Variants in MITF observed in about 807,000 individuals in gnomAD.
The protein encoded by MITF is melanocyte inducing transcription factor.
MITF carries 17 observed loss-of-function variants against 60.5 expected under a neutral mutation model. That is an observed-to-expected ratio of 0.28 (90% CI 0.19 to 0.42). MITF has a LOEUF of 0.42. MITF is among the 10% of genes least tolerant of loss of function. MITF has a pLI of 1.00. For missense variants in MITF, 622 were observed against 683.5 expected, an observed-to-expected ratio of 0.91 and a Z score of 1.00; for synonymous variants, 260 against 248.5, an observed-to-expected ratio of 1.05 and a Z score of -0.43.
intron 1 of MITF, among the ~76,000 whole-genome samples, chr3:69,850,158 A>T (rs2063800694): frequency 6.6e-6 from 1 of 152,216 alleles, no homozygotes; most frequent in South Asian, 2.1e-4. Flanking sequence ...AAAGGAGCAT[A>T]TCATATTTAT....
intron 1 of MITF, among the ~76,000 whole-genome samples, chr3:69,849,016 G>C (rs1014742248): frequency 7.6e-6 from 1 of 132,024 alleles, no homozygotes; most frequent in Non-Finnish European, 1.6e-5. Context: ...CCAGGCTGGA[G>C]TGCAGTGGCG....
At chr3:69,762,839 C>T (rs923867047) in intron 1 of MITF, 2 of 224,092 alleles carry the variant, frequency 8.9e-6, no homozygotes, top group Non-Finnish European at 1.8e-5. Flanking sequence ...TACTGGTCTT[C>T]TGGGAATAGT....
intron 1 of MITF, among the ~76,000 whole-genome samples, chr3:69,788,226 C>T (rs1216374271): frequency 6.7e-6 from 1 of 150,340 alleles, no homozygotes; most frequent in East Asian, 2.0e-4. Flanking sequence ...TGTTGGTGTG[C>T]TGCACCCATT....
chr3:69,879,182 C>T lies in MITF; in HGVS notation c.153C>T (p.Ser51=), dbSNP rs2107276210. The part of the protein sequence containing the change: ...PGASKPPISS[S]SMTSRILLRQ... ...CCTCCAAGCCTCCGATAAGCTCCTCCAGTATGACATCACGCATCTTGCTAC... is the reference window on the plus strand; with the variant it reads ...CCTCCAAGCCTCCGATAAGCTCCTCTAGTATGACATCACGCATCTTGCTAC... The change falls in exon 2 of 10, where the codon TCC becomes TCT. Residue 51 remains serine (S), a synonymous_variant. Coordinates refer to ENST00000352241, the MANE Select transcript of MITF (RefSeq NM_001354604.2). 6.2e-7 allele frequency: 1 copy of T among 1,614,232 alleles called. No homozygotes were observed. Among genetic ancestry groups the T allele is most frequent in the Non-Finnish European group, 8.5e-7 (1 of 1,180,046 alleles).
At chr3:69,790,306 A>G (rs1043685258) in intron 1 of MITF, among the ~76,000 whole-genome samples, 4 of 152,154 alleles carry the variant, frequency 2.6e-5, no homozygotes, top group Non-Finnish European at 4.4e-5. Flanking sequence ...AGAAAGTACA[A>G]TGGTGGTTGC....
At chr3:69,953,798 G>T (rs1280267392) in intron 7 of MITF, among the ~76,000 whole-genome samples, 1 of 151,908 alleles carries the variant, frequency 6.6e-6, no homozygotes, top group Non-Finnish European at 1.5e-5. Flanking sequence ...ATCCTGGGAA[G>T]CTTGCCTTTG....
intron 9 of MITF, among the ~76,000 whole-genome samples, chr3:69,961,014 T>G (rs887406892): frequency 2.0e-5 from 3 of 152,206 alleles, no homozygotes; most frequent in Non-Finnish European, 4.4e-5. Context: ...TTGGCTTTTG[T>G]TGTTGGTTTT....
chr3:69,784,768 C>T (rs1159253164), intron 1 of MITF, among the ~76,000 whole-genome samples: 1 of 152,092 alleles, frequency 6.6e-6, no homozygotes, highest in East Asian at 1.9e-4. Flanking sequence ...TTAAGCCAGG[C>T]AATGAATTTA....
intron 6 of MITF, among the ~76,000 whole-genome samples, chr3:69,951,597 G>A (rs935154449): frequency 1.3e-5 from 2 of 151,758 alleles, no homozygotes; most frequent in South Asian, 4.2e-4. Flanking sequence ...CCATTTTGTG[G>A]AAGCCCAGTT....
chr3:69,747,241 A>G (rs1281969090), intron 1 of MITF, among the ~76,000 whole-genome samples: 1 of 152,208 alleles, frequency 6.6e-6, no homozygotes, highest in Non-Finnish European at 1.5e-5. Flanking sequence ...ATACATGAGC[A>G]AGATGAGTTT....
chr3:69,911,633 G>A (rs2065227887), intron 2 of MITF, among the ~76,000 whole-genome samples: 1 of 152,106 alleles, frequency 6.6e-6, no homozygotes, highest in African/African-American at 2.4e-5. Flanking sequence ...AAAACAATGG[G>A]GTGGGAAAGA....
Position 69,879,148 on chromosome 3 carries a change from A to G in MITF, c.119A>G (p.His40Arg). The G allele has an allele frequency of 6.2e-7, 1 of 1,614,222 alleles. No homozygotes were observed. Among genetic ancestry groups the G allele is most frequent in the Admixed American group, 1.7e-5 (1 of 60,024 alleles). Residue 40 changes from histidine to arginine, a missense_variant, in exon 2 of 10, where the codon CAT becomes CGT. His to Arg is a conservative substitution (Grantham distance 29). This residue lies in a region of MITF where 149 missense variants were observed against 157.8 expected (regional missense o/e 0.94). Transcript: ENST00000352241. ...QPLKSSSSAEHPGASKPPISS... is the reference protein window; with the variant it reads ...QPLKSSSSAERPGASKPPISS... ...TTTTCCCACAGCAGTTCCGCCGAGC[A>G]TCCTGGGGCCTCCAAGCCTCCGATA...
intron 8 of MITF, among the ~76,000 whole-genome samples, chr3:69,957,214 A>T (rs1415291341): frequency 6.6e-6 from 1 of 152,186 alleles, no homozygotes; most frequent in Non-Finnish European, 1.5e-5. Flanking sequence ...ATAGGACAAC[A>T]AACACACAGT....
At chr3:69,932,860 A>G (rs1257579437) in intron 2 of MITF, among the ~76,000 whole-genome samples, 1 of 152,106 alleles carries the variant, frequency 6.6e-6, no homozygotes, top group African/African-American at 2.4e-5. Context: ...TTCTCTATGG[A>G]TTGCCATTTT....
intron 5 of MITF, 62 bp from the exon 6 acceptor site, chr3:69,948,989 T>C: frequency 8.1e-7 from 1 of 1,229,364 alleles, no homozygotes; most frequent in Non-Finnish European, 1.2e-6. Context: ...ATATAGGTTT[T>C]ATCTGAAAAA....
intron 1 of MITF, among the ~76,000 whole-genome samples, chr3:69,792,998 CTTTTTTTTTTTTTTTTTTT>C (rs58440406): frequency 3.2e-5 from 1 of 31,076 alleles, no homozygotes; most frequent in East Asian, 1.3e-3. Flanking sequence ...AAGTCTTTAG[CTTTTTTTTTTTTTTTTTTT>C]TTTTTTTTTT....
chr3:69,742,290 C>T (rs1281635493), intron 1 of MITF, among the ~76,000 whole-genome samples: 4 of 151,998 alleles, frequency 2.6e-5, no homozygotes, highest in African/African-American at 9.7e-5. Flanking sequence ...TAGGTGGAGG[C>T]CAGAGATGCT....
intron 1 of MITF, among the ~76,000 whole-genome samples, chr3:69,875,761 T>C (rs972799205): frequency 2.0e-5 from 3 of 152,240 alleles, no homozygotes; most frequent in Non-Finnish European, 2.9e-5. Flanking sequence ...GATATCCTTG[T>C]TTTTGTCTAG....
intron 1 of MITF, among the ~76,000 whole-genome samples, chr3:69,792,998 CTT>C (rs58440406): frequency 0.013 from 396 of 31,048 alleles, no homozygotes; most frequent in Middle Eastern, 0.038. Flanking sequence ...AAGTCTTTAG[CTT>C]TTTTTTTTTT....
Sources: allele counts gnomAD v4.1 joint callset (sites outside exome capture counted in the v4.1 genomes callset), GRCh38; gene constraint gnomAD v4.1.1; regional missense constraint gnomAD v4.1.1; transcripts MANE v1.5; gene names NCBI Gene and HGNC (gene_info 2026-07-23, HGNC 2026-07-21).